The following PTPRU variants were observed in gnomAD, a reference collection of about 807,000 sequenced individuals.
PTPRU encodes the protein receptor-type tyrosine-protein phosphatase U.
Under a neutral mutation model 166.3 loss-of-function variants are expected in PTPRU, and 69 were observed. The ratio of observed to expected loss-of-function variants is 0.41; its 90% CI spans 0.34 to 0.51. The LOEUF is 0.51. Ranked by LOEUF, PTPRU falls within the 20% of genes least tolerant of loss-of-function variation. PTPRU has a pLI of 0.09. For missense variants in PTPRU, 1,657 were observed against 2,013.7 expected (o/e 0.82, Z 3.39); for synonymous variants, 793 against 814.0 (o/e 0.97, Z 0.44).
intron 7 of PTPRU, among the ~76,000 whole-genome samples, chr1:29,273,297 C>A (rs1397482559): frequency 6.6e-6 from 1 of 152,186 alleles, no homozygotes; most frequent in Non-Finnish European, 1.5e-5. Context: ...GAGACAGCGT[C>A]TCACTGTGTC....
intron 1 of PTPRU, among the ~76,000 whole-genome samples, chr1:29,251,434 G>A (rs1424406848): frequency 6.6e-6 from 1 of 152,160 alleles, no homozygotes; most frequent in East Asian, 1.9e-4. Flanking sequence ...TCTGGCCGAA[G>A]TGAGATAGTC....
intron 7 of PTPRU, among the ~76,000 whole-genome samples, chr1:29,272,696 C>T (rs1240213482): frequency 6.6e-6 from 1 of 151,654 alleles, no homozygotes; most frequent in Non-Finnish European, 1.5e-5. Flanking sequence ...CAGTTGAGCC[C>T]AGGAGTTTGA....
chr1:29,264,908 C>A (rs1037320065), intron 7 of PTPRU, among the ~76,000 whole-genome samples: 1 of 152,180 alleles, frequency 6.6e-6, no homozygotes, highest in African/African-American at 2.4e-5. Flanking sequence ...TTTCCTTCAT[C>A]CAAGTTGTGT....
Position 29,311,666 on chromosome 1 carries a change from G to T in PTPRU, c.2979G>T (p.Pro993=). 6.2e-7 allele frequency: 1 copy of T among 1,614,214 alleles called. No individual in the cohort carries two copies. Among genetic ancestry groups the T allele is most frequent in the Non-Finnish European group, 8.5e-7 (1 of 1,180,016 alleles). Residue 993 remains proline, a synonymous_variant, in exon 21 of 30, where the codon CCG becomes CCT. Coordinates refer to ENST00000373779, the MANE Select transcript of PTPRU (RefSeq NM_133178.4). This position sits in a 1 kb window ranked among gnomAD's most constrained non-coding sequence, Gnocchi z 4.1. The stretch of plus-strand genomic sequence containing the variant: ...AGGTGAAATGCTCACGGTACTGGCC[G>T]GAGGACTCAGACACCTACGGGGACA... ...VGRVKCSRYW[P]EDSDTYGDIK...
chr1:29,243,884 G>C (rs6683469), intron 1 of PTPRU, among the ~76,000 whole-genome samples: 1 of 152,198 alleles, frequency 6.6e-6, no homozygotes, highest in Non-Finnish European at 1.5e-5. Flanking sequence ...TCCTCCTCTG[G>C]CTCTGGGTTG....
chr1:29,307,368 T>C (rs1687440669), intron 18 of PTPRU, among the ~76,000 whole-genome samples: 1 of 152,214 alleles, frequency 6.6e-6, no homozygotes, highest in Non-Finnish European at 1.5e-5. Context: ...TTCCCTCCCA[T>C]CCTCCACTGC....
intron 28 of PTPRU, among the ~76,000 whole-genome samples, chr1:29,324,076 A>G (rs1243164851): frequency 1.3e-5 from 2 of 152,142 alleles, no homozygotes; most frequent in Non-Finnish European, 2.9e-5. Flanking sequence ...TTTTTACCCC[A>G]TGAGATTGTG....
chr1:29,301,476 T>C (rs1037535977), intron 15 of PTPRU, among the ~76,000 whole-genome samples: 3 of 152,354 alleles, frequency 2.0e-5, no homozygotes, highest in African/African-American at 7.2e-5. Context: ...GTATTTAATA[T>C]ACTATTAATC....
In PTPRU at chr1:29,325,895, C is replaced by T. The variant is rs1037638340; in HGVS notation, c.*234C>T. 2.9e-5 allele frequency: 16 copies of T among 552,634 alleles called. No individual in the cohort carries two copies. Among genetic ancestry groups the T allele is most frequent in the Non-Finnish European group, 4.7e-5 (15 of 317,960 alleles). The allele number at this position is 552,634 out of a possible 1,614,324, so 34.2% of individuals were successfully genotyped here. A position where few individuals can be genotyped will look rare whatever the true frequency, so the allele number is the denominator to read the frequency against. On this transcript the variant is annotated 3_prime_UTR_variant, in exon 30 of 30. Transcript: ENST00000373779. ...TAGCAAGTCTGCAGCCCAGCCCCAC[C>T]TCCATAGGGTCCTGCAGGCCTGTGC...
intron 7 of PTPRU, among the ~76,000 whole-genome samples, chr1:29,270,540 C>T (rs1015548626): frequency 6.6e-6 from 1 of 152,150 alleles, no homozygotes; most frequent in African/African-American, 2.4e-5. Flanking sequence ...AACCCCTGAG[C>T]GATCCTGCCT....
chr1:29,259,049 C>T (rs893826111), intron 3 of PTPRU, among the ~76,000 whole-genome samples: 1 of 152,104 alleles, frequency 6.6e-6, no homozygotes, highest in Non-Finnish European at 1.5e-5. Context: ...GGTAACTGTC[C>T]AGGATTTGGG....
intron 29 of PTPRU, 66 bp downstream of exon 29, chr1:29,325,392 A>T (rs1041809131): frequency 1.3e-6 from 2 of 1,575,554 alleles, no homozygotes; most frequent in African/African-American, 2.7e-5. Context: ...CAGGTTCCTT[A>T]GCACCCACTC....
Position 29,326,612 on chromosome 1 carries a change from T to C in PTPRU, c.*951T>C, listed in dbSNP as rs1300110552. On this transcript the variant is annotated 3_prime_UTR_variant, in exon 30 of 30. Transcript: ENST00000373779. ...AGGACCAGTGCTTTTTTGTTTCTTT[T>C]GTTATTTTTGGTTGGGTGGGTGGGA... The C allele has an allele frequency of 6.6e-6, 1 of 152,278 alleles. No homozygotes were observed. The highest frequency in any genetic ancestry group is 1.5e-5 in the Non-Finnish European group (1 of 68,078). The allele number at this position is 152,278 out of a possible 1,614,324, so 9.4% of individuals were successfully genotyped here.
chr1:29,283,325 C>T (rs1002592554), intron 12 of PTPRU, among the ~76,000 whole-genome samples: 1 of 151,290 alleles, frequency 6.6e-6, no homozygotes, highest in Non-Finnish European at 1.5e-5. Context: ...CTCCCATAGC[C>T]CCTCCCCCAT....
At chr1:29,322,014 G>A (rs74901958) in intron 26 of PTPRU, among the ~76,000 whole-genome samples, 1 of 152,258 alleles carries the variant, frequency 6.6e-6, no homozygotes. Flanking sequence ...GGGCTAGGAA[G>A]ATTTGCTGTA....
At chr1:29,296,667 C>A (rs1686895028) in intron 15 of PTPRU, among the ~76,000 whole-genome samples, 2 of 146,480 alleles carry the variant, frequency 1.4e-5, no homozygotes, top group Admixed American at 1.4e-4. Flanking sequence ...CACTGTCATG[C>A]CTTGCTACTT....
Position 29,282,846 on chromosome 1 carries a change from T to C in PTPRU, c.2039T>C (p.Phe680Ser). The change falls in exon 12 of 30, where the codon TTT becomes TCT. Residue 680 changes from phenylalanine (F) to serine (S), a missense_variant. Physicochemically the swap from Phe to Ser is radical, Grantham distance 155 (BLOSUM62 -2). Coordinates refer to ENST00000373779, the MANE Select transcript of PTPRU (RefSeq NM_133178.4). ...AASSLPEAMP[F>S]TVGDNQTYRG... ...AGCAGTCTACCTGAGGCCATGCCCT[T>C]TACCGTGGGTGACAACCAGACCTAC... The C allele has an allele frequency of 6.2e-7, 1 of 1,614,086 alleles. No homozygotes were observed. The highest frequency in any genetic ancestry group is 8.5e-7 in the Non-Finnish European group (1 of 1,179,996).
At position 29,237,235 on chromosome 1, in the gene PTPRU, G is replaced by A. The variant is rs1683810047; in HGVS notation, c.73+518G>A. ...GGATCCGGGAACGCGTGTGTGGCGT[G>A]TGTGCTTTTGAGATCCGTGTACATG... On this transcript the variant is annotated intron_variant, in intron 1 of 29. Transcript: ENST00000373779. The surrounding 1 kb of genome is among the most constrained non-coding windows in gnomAD (Gnocchi z 6.4). 1.3e-5 allele frequency among the ~76,000 whole-genome samples: 2 copies of A among 150,778 alleles called. No individual in the cohort carries two copies. The highest frequency in any genetic ancestry group is 3.0e-5 in the Non-Finnish European group (2 of 67,600).
chr1:29,305,220 G>T, intron 17 of PTPRU, 132 bp from the exon 18 acceptor site: 1 of 813,708 alleles, frequency 1.2e-6, no homozygotes, highest in Non-Finnish European at 2.0e-6. Flanking sequence ...GAGACTACTG[G>T]TAAGCCCTGA....
Sources: gnomAD v4.1 joint callset for allele counts (sites outside exome capture counted in the v4.1 genomes callset) on GRCh38, gnomAD v4.1.1 for gene constraint, Gnocchi (gnomAD v3.1) non-coding constraint, MANE v1.5 for transcripts, NCBI Gene and HGNC (gene_info 2026-07-23, HGNC 2026-07-21) for gene names.